The following PRKAR2B variants were observed in gnomAD, a reference collection of about 807,000 sequenced individuals.
PRKAR2B encodes protein kinase cAMP-dependent type II regulatory subunit beta.
In PRKAR2B, 14 loss-of-function variants were observed where a neutral mutation model predicts 49.9. The observed-to-expected ratio is 0.28, with a 90% CI of 0.19 to 0.44. PRKAR2B has a LOEUF of 0.44. Ranked by LOEUF, PRKAR2B falls within the 20% of genes least tolerant of loss-of-function variation. The pLI is 1.00. For synonymous variants in PRKAR2B, 196 were observed against 197.7 expected, an observed-to-expected ratio of 0.99 and a Z score of 0.07; for missense variants, 393 against 537.9, an observed-to-expected ratio of 0.73 and a Z score of 2.67.
At chr7:107,070,364 A>G in intron 2 of PRKAR2B, 48 bp downstream of exon 2, 1 of 1,462,718 alleles carries the variant, frequency 6.8e-7, no homozygotes, top group African/African-American at 1.4e-5. Flanking sequence ...GTGACATTTA[A>G]AAAATGATAA....
At chr7:107,100,116 TTG>T (rs1794930866) in intron 2 of PRKAR2B, among the ~76,000 whole-genome samples, 1 of 152,126 alleles carries the variant, frequency 6.6e-6, no homozygotes, top group Non-Finnish European at 1.5e-5. Flanking sequence ...TCCTGTAGAT[TTG>T]AGTTACTATC....
chr7:107,070,275 T>A lies in PRKAR2B; in HGVS notation c.308-6T>A. On this transcript the variant is annotated splice_region_variant and splice_polypyrimidine_tract_variant and intron_variant, in intron 1 of 10. Transcript: ENST00000265717. The stretch of plus-strand genomic sequence containing the variant: ...TCTAATCATATTATTCTGCTTTTTC[T>A]TTTAGCTCCAGTAATAAACCGATTC... 1 of 1,605,900 alleles carries A rather than the reference T, an allele frequency of 6.2e-7. No individual in the cohort carries two copies. Among genetic ancestry groups the A allele is most frequent in the South Asian group, 1.1e-5 (1 of 90,424 alleles).
At chr7:107,079,262 C>T (rs1794468030) in intron 2 of PRKAR2B, among the ~76,000 whole-genome samples, 1 of 152,048 alleles carries the variant, frequency 6.6e-6, no homozygotes, top group African/African-American at 2.4e-5. Context: ...ATAAATTTGC[C>T]ACAGCAATAT....
chr7:107,050,889 T>G (rs1333406686), intron 1 of PRKAR2B, among the ~76,000 whole-genome samples: 1 of 152,170 alleles, frequency 6.6e-6, no homozygotes, highest in Non-Finnish European at 1.5e-5. Flanking sequence ...TAGAGATGGG[T>G]CTTCCTTTCT....
chr7:107,113,843 C>A (rs892941607), intron 2 of PRKAR2B, among the ~76,000 whole-genome samples: 1 of 152,064 alleles, frequency 6.6e-6, no homozygotes, highest in East Asian at 1.9e-4. Context: ...GACCACTGTT[C>A]CATTGTGAAA....
chr7:107,114,330 G>A (rs879836994), intron 2 of PRKAR2B, among the ~76,000 whole-genome samples: 4,896 of 38,102 alleles, frequency 0.13, 98 homozygotes, highest in Non-Finnish European at 0.15. Context: ...ACAGCTGTGT[G>A]TGTGTGTGTG....
chr7:107,142,767 G>T (rs1191019962), intron 5 of PRKAR2B, among the ~76,000 whole-genome samples: 23 of 150,730 alleles, frequency 1.5e-4, no homozygotes, highest in East Asian at 7.8e-4. Flanking sequence ...AAGATTTTTT[G>T]TTTGTTTTTT....
intron 4 of PRKAR2B, among the ~76,000 whole-genome samples, chr7:107,139,868 A>G (rs1795760765): frequency 6.6e-6 from 1 of 152,124 alleles, no homozygotes; most frequent in Non-Finnish European, 1.5e-5. Flanking sequence ...TCCCCTTTGA[A>G]TCTATCTTCA....
chr7:107,054,039 T>A (rs1238238821), intron 1 of PRKAR2B, among the ~76,000 whole-genome samples: 2 of 152,146 alleles, frequency 1.3e-5, no homozygotes, highest in African/African-American at 4.8e-5. Flanking sequence ...TTTGTAAATA[T>A]GCATTAAGTA....
intron 1 of PRKAR2B, among the ~76,000 whole-genome samples, chr7:107,062,964 T>C (rs1412711139): frequency 1.3e-5 from 2 of 152,176 alleles, no homozygotes; most frequent in Non-Finnish European, 2.9e-5. Flanking sequence ...CTATATATTT[T>C]AATTTATGGG....
intron 2 of PRKAR2B, among the ~76,000 whole-genome samples, chr7:107,110,568 C>T (rs1314789336): frequency 6.6e-6 from 1 of 151,674 alleles, no homozygotes; most frequent in East Asian, 2.0e-4. Flanking sequence ...TCTTTGATGC[C>T]AGCTCAGCCA....
At position 107,159,437 on chromosome 7, in the gene PRKAR2B, C is replaced by A; in HGVS notation, c.1124-12C>A. On this transcript the variant is annotated splice_polypyrimidine_tract_variant and intron_variant, in intron 10 of 10. Coordinates refer to ENST00000265717, the MANE Select transcript of PRKAR2B (RefSeq NM_002736.3). The stretch of plus-strand genomic sequence containing the variant: ...AGAATGTTATTTAAAAAAAAATCTT[C>A]TCTTTTCTCAGCAATGGATGTGCAA... 6.2e-7 allele frequency: 1 copy of A among 1,610,798 alleles called. No individual in the cohort carries two copies. Among genetic ancestry groups the A allele is most frequent in the East Asian group, 2.2e-5 (1 of 44,822 alleles).
chr7:107,114,324 CTGTGTGTGTGTGTGTGTGTGTGTGTG>C (rs58110858), intron 2 of PRKAR2B, among the ~76,000 whole-genome samples: 147 of 130,944 alleles, frequency 1.1e-3, no homozygotes, highest in African/African-American at 3.5e-3. Context: ...GCATGTACAG[CTGTGTGTGTGTGTGTGTGTGTGTGTG>C]TGTGTGTGTG....
At chr7:107,100,530 T>C (rs1303542127) in intron 2 of PRKAR2B, among the ~76,000 whole-genome samples, 1 of 152,270 alleles carries the variant, frequency 6.6e-6, no homozygotes, top group Non-Finnish European at 1.5e-5. Flanking sequence ...TCTACATAAA[T>C]GTTTTTGTAA....
intron 2 of PRKAR2B, among the ~76,000 whole-genome samples, chr7:107,118,441 A>AC (rs1795320241): frequency 7.2e-6 from 1 of 139,146 alleles, no homozygotes; most frequent in African/African-American, 2.5e-5. Context: ...TTGTTCATCA[A>AC]CCAGTCATTT....
At chr7:107,046,371 G>C (rs1415881101) in intron 1 of PRKAR2B, among the ~76,000 whole-genome samples, 4 of 152,204 alleles carry the variant, frequency 2.6e-5, no homozygotes, top group Non-Finnish European at 5.9e-5. Flanking sequence ...ACATTTAAAA[G>C]TGTCATTTCA....
intron 7 of PRKAR2B, 85 bp from the exon 8 acceptor site, chr7:107,153,092 T>G: frequency 1.1e-6 from 1 of 922,040 alleles, no homozygotes; most frequent in Non-Finnish European, 1.7e-6. Context: ...ATTTGGCCTA[T>G]AGGCTACCAG....
intron 2 of PRKAR2B, among the ~76,000 whole-genome samples, chr7:107,105,633 G>A (rs1265381323): frequency 6.6e-6 from 1 of 152,160 alleles, no homozygotes; most frequent in Admixed American, 6.5e-5. Context: ...GGTGTCATTG[G>A]GAGCTCTGGG....
At chr7:107,084,707 G>A (rs1025707933) in intron 2 of PRKAR2B, among the ~76,000 whole-genome samples, 32 of 149,906 alleles carry the variant, frequency 2.1e-4, no homozygotes, top group Admixed American at 2.0e-3. Context: ...TGCAAGCTCC[G>A]CCTCCCGGGT....
Sources: gnomAD v4.1 joint callset for allele counts (sites outside exome capture counted in the v4.1 genomes callset) on GRCh38, gnomAD v4.1.1 for gene constraint, MANE v1.5 for transcripts, NCBI Gene and HGNC (gene_info 2026-07-23, HGNC 2026-07-21) for gene names.